TTN: variants seen among roughly 807,000 people sequenced by gnomAD.
TTN encodes titin, also known as connectin.
TTN carries 1,525 observed loss-of-function variants against 3,223.0 expected under a neutral mutation model. The ratio of observed to expected loss-of-function variants is 0.47; its 90% CI spans 0.45 to 0.49. The LOEUF (loss-of-function observed/expected upper bound fraction) is 0.49. TTN is among the 20% of genes least tolerant of loss of function. TTN has a pLI of 0.00. For synonymous variants in TTN, 14,094 were observed against 15,161.0 expected, an observed-to-expected ratio of 0.93 and a Z score of 5.17; for missense variants, 40,786 against 43,424.0, an observed-to-expected ratio of 0.94 and a Z score of 5.40.
In TTN at chr2:178,547,578, C is replaced by G; in HGVS notation, c.94048G>C (p.Glu31350Gln). Residue 31350 changes from glutamate (E) to glutamine (Q), a missense_variant, in exon 339 of 363, where the codon GAA (glutamate) becomes CAA (glutamine). By Grantham distance (29) the Glu-to-Gln change is conservative (BLOSUM62 2). Transcript: ENST00000589042. The stretch of plus-strand genomic sequence containing the variant: ...AGCTGCCAAGCTGTTGTACCCGATT[C>G]ACGCTTTTCAACTATGTAATTAGTA... ...EITNYIVEKR[E>Q]SGTTAWQLVN... 1 of 1,613,850 alleles carries G rather than the reference C, an allele frequency of 6.2e-7. No individual in the cohort carries two copies. The highest frequency in any genetic ancestry group is 8.5e-7 in the Non-Finnish European group (1 of 1,179,818).
intron 46 of TTN, 91 bp downstream of exon 46, chr2:178,756,131 A>T: frequency 1.0e-6 from 1 of 954,116 alleles, no homozygotes; most frequent in Non-Finnish European, 1.6e-6. Context: ...TATTCTAATT[A>T]ATATATTCGT....
Position 178,719,988 on chromosome 2 carries a change from A to G in TTN, c.23654T>C (p.Val7885Ala), listed in dbSNP as rs2078098721. ...GGCTGTGCTTTGCTACTAACCTAGT[A>G]CAGTCAAGACTGCAGAGCATTCTCT... is the stretch of plus-strand genomic sequence containing the variant. ...GMRECSAVLT[V>A]LEPARIIEKP... Residue 7885 changes from valine to alanine, a missense_variant, in exon 81 of 363, where the codon GTA (valine) becomes GCA (alanine). Val to Ala is a moderately conservative substitution (Grantham distance 64). Transcript: ENST00000589042. 1.9e-6 allele frequency: 3 copies of G among 1,606,070 alleles called. No individual in the cohort carries two copies.
In TTN at chr2:178,674,234, G is replaced by A; in HGVS notation, c.34708+80C>T. ...GGATACGATATAAGAAAAGCATACT[G>A]GTGAATCTTAGATTTAGCTACTGAG... On this transcript the variant is annotated intron_variant, in intron 151 of 362. Coordinates refer to ENST00000589042, the MANE Select transcript of TTN (RefSeq NM_001267550.2). 6.2e-6 allele frequency: 5 copies of A among 805,358 alleles called. No individual in the cohort carries two copies. The South Asian group carries it at 7.6e-5, about 12-fold the overall frequency. The allele number at this position is 805,358 out of a possible 1,614,324, so 49.9% of individuals were successfully genotyped here. A position where few individuals can be genotyped will look rare whatever the true frequency, so the allele number is the denominator to read the frequency against.
At chr2:178,695,015 T>C in intron 115 of TTN, 109 bp from the exon 116 acceptor site, 1 of 751,876 alleles carries the variant, frequency 1.3e-6, no homozygotes, top group South Asian at 2.3e-5. Flanking sequence ...CCTATAAGTG[T>C]ATATGCAGAT....
chr2:178,726,170 TA>T (rs2079302257), intron 69 of TTN, 124 bp from the exon 70 acceptor site: 3 of 1,145,676 alleles, frequency 2.6e-6, no homozygotes, highest in African/African-American at 1.6e-5. Flanking sequence ...AGTCCAGCAC[TA>T]ACACTCTCAT....
In TTN at chr2:178,601,446, C is replaced by T. The variant is rs1193192468; in HGVS notation, c.55551G>A (p.Glu18517=). 1.2e-6 allele frequency: 2 copies of T among 1,612,974 alleles called. No individual in the cohort carries two copies. The highest frequency in any genetic ancestry group is 2.2e-5 in the East Asian group (1 of 44,708). Residue 18517 remains glutamate (E), a synonymous_variant, in exon 287 of 363, where the codon GAG becomes GAA. Coordinates refer to ENST00000589042, the MANE Select transcript of TTN (RefSeq NM_001267550.2). ...AGGCTTTTCCATCAATAGTCCTCTT[C>T]TCAATAACATAGCCTTTGATCCTGT... The part of the protein sequence containing the change: ...GGDRIKGYVI[E]KRTIDGKAWT...
At chr2:178,549,918 A>G (rs767488316) in intron 337 of TTN, 49 bp from the exon 338 acceptor site, 11 of 1,541,204 alleles carry the variant, frequency 7.1e-6, no homozygotes, top group Middle Eastern at 3.5e-4. Flanking sequence ...TGTCCATTAA[A>G]ATACAACTAG....
rs144922355 is a variant in TTN, at chr2:178,549,838, T to A, written c.91884A>T (p.Arg30628Ser). The A allele has an allele frequency of 8.4e-4, 1,339 of 1,588,208 alleles. 9 individuals are homozygous for A. The African/African-American group carries it at 0.017, about 20-fold the overall frequency. ...DTPGKVVGPIRFTNITGEKMT... is the reference protein window; with the variant it reads ...DTPGKVVGPISFTNITGEKMT... Reference sequence around the variant, plus strand: ...TCTTCTCCCCAGTAATATTGGTGAATCTTATTGGCCCAACTACTTTTCCTG... The same window carrying A: ...TCTTCTCCCCAGTAATATTGGTGAAACTTATTGGCCCAACTACTTTTCCTG... Residue 30628 changes from arginine to serine, a missense_variant, in exon 338 of 363, where the codon AGA becomes AGT. Arg to Ser is a moderately radical substitution (Grantham distance 110). Transcript: ENST00000589042.
Position 178,704,951 on chromosome 2 carries a change from C to T in TTN, c.29620G>A (p.Glu9874Lys). The change falls in exon 104 of 363, where the codon GAG (glutamate) becomes AAG (lysine). Residue 9874 changes from glutamate to lysine, a missense_variant. Coordinates refer to ENST00000589042, the MANE Select transcript of TTN (RefSeq NM_001267550.2). ...TCCTTTTCGTCCCTCTCTGACCTCT[C>T]TATTTCCTCAATTTCCTGAGAAGAA... ...ETHRLEIEEI[E>K]RSERDEKEFE... 3 of 1,612,588 alleles carry T rather than the reference C, an allele frequency of 1.9e-6. No homozygotes were observed. Among genetic ancestry groups the T allele is most frequent in the Non-Finnish European group, 2.5e-6 (3 of 1,179,722 alleles).
chr2:178,750,992 T>G (rs752721258), intron 47 of TTN: 1 of 1,612,678 alleles, frequency 6.2e-7, no homozygotes, highest in Non-Finnish European at 8.5e-7. Flanking sequence ...TATTTCAGTC[T>G]GGAAAATTTC....
rs138927584 is a variant in TTN at position 178,748,814 on chromosome 2, G to C, written c.11311+4310C>G. 556 of 1,611,570 alleles carry C rather than the reference G, an allele frequency of 3.5e-4. No homozygotes were observed. Among genetic ancestry groups the C allele is most frequent in the Non-Finnish European group, 4.6e-4 (545 of 1,179,154 alleles). Reference sequence around the variant, plus strand: ...AGAGGAAAGCAGCTTTAAATTTATTGCAATGTTAGATGAATCTGATTCAGT... The same window carrying C: ...AGAGGAAAGCAGCTTTAAATTTATTCCAATGTTAGATGAATCTGATTCAGT... On this transcript the variant is annotated intron_variant, in intron 47 of 362. Transcript: ENST00000589042.
At chr2:178,794,773 G>T in intron 7 of TTN, 149 bp downstream of exon 7, 1 of 1,136,002 alleles carries the variant, frequency 8.8e-7, no homozygotes, top group Non-Finnish European at 1.3e-6. Flanking sequence ...TACAAAGCAT[G>T]ACTACTGAAT....
chr2:178,738,287 C>T lies in TTN; in HGVS notation c.14166G>A (p.Glu4722=). 6.2e-7 allele frequency: 1 copy of T among 1,613,588 alleles called. No homozygotes were observed. Among genetic ancestry groups the T allele is most frequent in the Middle Eastern group, 1.7e-4 (1 of 6,056 alleles). Reference sequence around the variant, plus strand: ...ACCGGACATTGGGAGCACTTTGGATCTCACAGGTGAATTTGGCTAGGTGGC... The same window carrying T: ...ACCGGACATTGGGAGCACTTTGGATTTCACAGGTGAATTTGGCTAGGTGGC... ...ALGHLAKFTC[E]IQSAPNVRFQ... Residue 4722 remains glutamate, a synonymous_variant, in exon 49 of 363, where the codon GAG becomes GAA. Coordinates refer to ENST00000589042, the MANE Select transcript of TTN (RefSeq NM_001267550.2).
chr2:178,574,734 G>T lies in TTN; in HGVS notation c.71398C>A (p.Arg23800Ser), dbSNP rs760839756. ...CCATATCTATTCTGAGCTTTTACAC[G>T]GAACTGATACTCTAATCCAGTAGTA... ...RLTTGLEYQF[R>S]VKAQNRYGVG... The change falls in exon 326 of 363, where the codon CGT becomes AGT. Residue 23800 changes from arginine to serine, a missense_variant. Arg to Ser is a moderately radical substitution (Grantham distance 110). Coordinates refer to ENST00000589042, the MANE Select transcript of TTN (RefSeq NM_001267550.2). The T allele has an allele frequency of 1.2e-6, 2 of 1,612,976 alleles. No individual in the cohort carries two copies. The highest frequency in any genetic ancestry group is 2.2e-5 in the East Asian group (1 of 44,776).
chr2:178,669,611 A>G lies in TTN; in HGVS notation c.35451T>C (p.Pro11817=). ...EKVREAVLKK[P]EVPPAKVPGM... ...GTATACCTTTAGCTGGTGGAACTTC[A>G]GGCTTTTTCAGAACAGCTTCACGAA... is the stretch of plus-strand genomic sequence containing the variant. Residue 11817 remains proline, a synonymous_variant, in exon 158 of 363, where the codon CCT becomes CCC. Coordinates refer to ENST00000589042, the MANE Select transcript of TTN (RefSeq NM_001267550.2). 4 of 1,612,414 alleles carry G rather than the reference A, an allele frequency of 2.5e-6. No individual in the cohort carries two copies. The South Asian group carries it at 4.4e-5, about 18-fold the overall frequency.
rs781729645 is a variant in TTN at position 178,651,621 on chromosome 2, T to C, written c.39463+45A>G. The C allele has an allele frequency of 1.1e-5, 17 of 1,612,160 alleles. No individual in the cohort carries two copies. In the East Asian group the frequency reaches 3.4e-4, roughly 32 times the overall value. Reference sequence around the variant, plus strand: ...AAGCAGAACAGTAGAATATGACACTTCAAAGAAAGTTTTTTGTTAGGGAGT... The same window carrying C: ...AAGCAGAACAGTAGAATATGACACTCCAAAGAAAGTTTTTTGTTAGGGAGT... On this transcript the variant is annotated intron_variant, in intron 206 of 362. Coordinates refer to ENST00000589042, the MANE Select transcript of TTN (RefSeq NM_001267550.2).
Position 178,585,296 on chromosome 2 carries a change from T to C in TTN, c.64448A>G (p.Lys21483Arg), listed in dbSNP as rs1368411917. Residue 21483 changes from lysine to arginine, a missense_variant, in exon 309 of 363, where the codon AAA (lysine) becomes AGA (arginine). Physicochemically the swap from Lys to Arg is conservative, Grantham distance 26 (BLOSUM62 2). Coordinates refer to ENST00000589042, the MANE Select transcript of TTN (RefSeq NM_001267550.2). ...ATACACATGGGCTTCAATTCGGAGT[T>C]TTTTCCCAGCTTTGATAGTTATTTG... is the stretch of plus-strand genomic sequence containing the variant. ...PEQITIKAGKKLRIEAHVYGK... is the reference protein window; with the variant it reads ...PEQITIKAGKRLRIEAHVYGK... 3 of 1,611,362 alleles carry C rather than the reference T, an allele frequency of 1.9e-6. No homozygotes were observed. The highest frequency in any genetic ancestry group is 1.7e-6 in the Non-Finnish European group (2 of 1,178,622).
intron 159 of TTN, 62 bp downstream of exon 159, chr2:178,669,311 A>G (rs1188162869): frequency 7.4e-7 from 1 of 1,349,032 alleles, no homozygotes; most frequent in Non-Finnish European, 1.0e-6. Context: ...TAAAAAGACA[A>G]ACATAGTGAA....
intron 47 of TTN, chr2:178,749,093 G>T: frequency 6.2e-7 from 1 of 1,612,844 alleles, no homozygotes; most frequent in Non-Finnish European, 8.5e-7. Flanking sequence ...AATGGCAGAT[G>T]AATCTTTTGT....
Sources: gnomAD v4.1 joint callset for allele counts on GRCh38, gnomAD v4.1.1 for gene constraint, MANE v1.5 for transcripts, NCBI Gene and HGNC (gene_info 2026-07-23, HGNC 2026-07-21) for gene names.